ARMC8: variants seen among roughly 807,000 people sequenced by gnomAD.
The protein encoded by ARMC8 is armadillo repeat-containing protein 8.
ARMC8 carries 20 observed loss-of-function variants against 99.3 expected under a neutral mutation model. The observed-to-expected ratio is 0.20, with a 90% confidence interval of 0.14 to 0.29. ARMC8 has a LOEUF of 0.29. ARMC8 is among the 10% of genes least tolerant of loss of function. The pLI is 1.00. For missense variants in ARMC8, 569 were observed against 809.5 expected, an observed-to-expected ratio of 0.70 and a Z score of 3.60; for synonymous variants, 263 against 278.3, an observed-to-expected ratio of 0.95 and a Z score of 0.55.
chr3:138,294,655 T>C (rs1475472164), intron 21 of ARMC8, among the ~76,000 whole-genome samples: 1 of 152,174 alleles, frequency 6.6e-6, no homozygotes, highest in Non-Finnish European at 1.5e-5. Context: ...TTTGATCAGC[T>C]ATTGTACCTG....
At chr3:138,267,599 C>T (rs2048389747) in intron 15 of ARMC8, among the ~76,000 whole-genome samples, 1 of 152,010 alleles carries the variant, frequency 6.6e-6, no homozygotes, top group Admixed American at 6.6e-5. Context: ...TTTTGTAAAC[C>T]AGGATTATAA....
intron 2 of ARMC8, among the ~76,000 whole-genome samples, chr3:138,220,747 TGGCGC>T (rs2045350299): frequency 6.6e-6 from 1 of 151,070 alleles, no homozygotes. Flanking sequence ...TGGGGTGCAG[TGGCGC>T]GATCTCTGCT....
Position 138,267,191 on chromosome 3 carries a change from G to C in ARMC8, c.1336G>C (p.Ala446Pro). ...QNAPDEILVV[A>P]SSMLCNLLLE... ...TGCACCAGATGAAATCCTAGTGGTA[G>C]CATCTTCCATGCTGTGTAATCTTCT... Residue 446 changes from alanine (A) to proline (P), a missense_variant, in exon 15 of 22, where the codon GCA becomes CCA. Ala to Pro is a conservative substitution (Grantham distance 27). This residue lies in a region of ARMC8 where 227 missense variants were observed against 417.9 expected (regional missense o/e 0.54). Coordinates refer to ENST00000469044, the MANE Select transcript of ARMC8 (RefSeq NM_001363941.2). 6.3e-7 allele frequency: 1 copy of C among 1,581,354 alleles called. No individual in the cohort carries two copies. The highest frequency in any genetic ancestry group is 8.6e-7 in the Non-Finnish European group (1 of 1,162,492).
At chr3:138,293,357 T>G (rs1426841600) in intron 21 of ARMC8, among the ~76,000 whole-genome samples, 1 of 151,952 alleles carries the variant, frequency 6.6e-6, no homozygotes, top group Non-Finnish European at 1.5e-5. Flanking sequence ...CTGGCCAACA[T>G]AGTGAAACCC....
intron 12 of ARMC8, among the ~76,000 whole-genome samples, chr3:138,260,757 GA>G (rs2047671859): frequency 6.6e-6 from 1 of 152,164 alleles, no homozygotes; most frequent in African/African-American, 2.4e-5. Context: ...ACCTTATCTA[GA>G]AACCTCTTTC....
chr3:138,251,029 T>TG (rs1242891769), intron 12 of ARMC8, among the ~76,000 whole-genome samples: 3 of 151,988 alleles, frequency 2.0e-5, no homozygotes, highest in Non-Finnish European at 4.4e-5. Flanking sequence ...CATGCACCTG[T>TG]GGTCCCAGCT....
At chr3:138,273,581 G>A (rs1045065804) in intron 17 of ARMC8, among the ~76,000 whole-genome samples, 3 of 152,086 alleles carry the variant, frequency 2.0e-5, no homozygotes, top group Non-Finnish European at 4.4e-5. Flanking sequence ...CAGTGGATAC[G>A]TGTCAGAGTA....
chr3:138,232,758 G>T (rs2046121678), intron 6 of ARMC8, among the ~76,000 whole-genome samples: 1 of 152,182 alleles, frequency 6.6e-6, no homozygotes, highest in African/African-American at 2.4e-5. Flanking sequence ...AATGGGGGAA[G>T]AATATATTTA....
chr3:138,187,567 T>C lies in ARMC8; in HGVS notation c.13T>C (p.Leu5=). ...GGGAAGGCTCAAGATGGCGTGCTTG[T>C]TGGAGACCCCAATCCGCATGAGCGT... MACL[L]ETPIRMSVLS... The change falls in exon 1 of 22, where the codon TTG becomes CTG. Residue 5 remains leucine, a synonymous_variant. Coordinates refer to ENST00000469044, the MANE Select transcript of ARMC8 (RefSeq NM_001363941.2). 1.3e-6 allele frequency: 2 copies of C among 1,535,850 alleles called. No homozygotes were observed. Among genetic ancestry groups the C allele is most frequent in the Non-Finnish European group, 1.7e-6 (2 of 1,146,718 alleles).
At chr3:138,210,937 C>T (rs540615505) in intron 2 of ARMC8, among the ~76,000 whole-genome samples, 5 of 151,938 alleles carry the variant, frequency 3.3e-5, no homozygotes, top group East Asian at 1.9e-4. Context: ...TAGGATCCAC[C>T]GAGATACTTG....
At chr3:138,218,370 T>C (rs1222340782) in intron 2 of ARMC8, among the ~76,000 whole-genome samples, 1 of 152,178 alleles carries the variant, frequency 6.6e-6, no homozygotes, top group Non-Finnish European at 1.5e-5. Context: ...TCCATCTCCC[T>C]TTAGTTTGTC....
At chr3:138,252,741 A>ACC (rs1281952773) in intron 12 of ARMC8, among the ~76,000 whole-genome samples, 5 of 2,590 alleles carry the variant, frequency 1.9e-3, no homozygotes, top group Admixed American at 8.8e-3. Context: ...GGCGTGAGCC[A>ACC]CCCCGCCCCC....
chr3:138,204,081 T>C (rs1211443098), intron 1 of ARMC8, among the ~76,000 whole-genome samples: 2 of 152,200 alleles, frequency 1.3e-5, no homozygotes, highest in Non-Finnish European at 2.9e-5. Flanking sequence ...ATAGAAGTAA[T>C]CTGAAGAGAA....
In ARMC8 at chr3:138,188,403, T is replaced by G. The variant is rs919927380; in HGVS notation, c.45+804T>G. Reference sequence around the variant, plus strand: ...GTTTTTTTTTTTTTTAAAAAAAGTTTTTTTAAAGAAAAAGACGACTTTCAC... The same window carrying G: ...GTTTTTTTTTTTTTTAAAAAAAGTTGTTTTAAAGAAAAAGACGACTTTCAC... On this transcript the variant is annotated intron_variant, in intron 1 of 21. Coordinates refer to ENST00000469044, the MANE Select transcript of ARMC8 (RefSeq NM_001363941.2). The G allele has an allele frequency of 6.0e-6, 9 of 1,512,266 alleles. No homozygotes were observed. In the African/African-American group the frequency reaches 8.4e-5, roughly 14 times the overall value. The allele number at this position is 1,512,266 out of a possible 1,614,324, so 93.7% of individuals were successfully genotyped here. A position where few individuals can be genotyped will look rare whatever the true frequency, so the allele number is the denominator to read the frequency against.
At chr3:138,230,254 G>A (rs748932676) in intron 6 of ARMC8, among the ~76,000 whole-genome samples, 1 of 152,176 alleles carries the variant, frequency 6.6e-6, no homozygotes, top group Non-Finnish European at 1.5e-5. Context: ...TGCTTAAAAT[G>A]AGCTGAATCC....
intron 12 of ARMC8, chr3:138,246,632 G>C (rs2046892592): frequency 9.1e-6 from 9 of 985,500 alleles, no homozygotes; most frequent in Non-Finnish European, 1.1e-5. Flanking sequence ...TGGACTGAAA[G>C]GTAGATAGAC....
intron 1 of ARMC8, among the ~76,000 whole-genome samples, chr3:138,190,498 A>G (rs567536792): frequency 7.9e-5 from 12 of 152,090 alleles, no homozygotes; most frequent in Admixed American, 2.0e-4. Flanking sequence ...CATGTTGGCC[A>G]GGCTGGTCTC....
In ARMC8 at chr3:138,273,032, G is replaced by C. The variant is rs1466958985; in HGVS notation, c.1545G>C (p.Gln515His). Reference sequence around the variant, plus strand: ...TTTTACGAAGCTTGAGTACTGAACAGCTATTCCGGTTATTATCAGATTCAG... The same window carrying C: ...TTTTACGAAGCTTGAGTACTGAACACCTATTCCGGTTATTATCAGATTCAG... The part of the protein sequence containing the change: ...ADILRSLSTE[Q>H]LFRLLSDSDL... The change falls in exon 17 of 22, where the codon CAG becomes CAC. Residue 515 changes from glutamine (Q) to histidine (H), a missense_variant. Physicochemically the swap from Gln to His is conservative, Grantham distance 24 (BLOSUM62 0). Transcript: ENST00000469044. 1 of 1,613,144 alleles carries C rather than the reference G, an allele frequency of 6.2e-7. No homozygotes were observed. Among genetic ancestry groups the C allele is most frequent in the Admixed American group, 1.7e-5 (1 of 59,934 alleles).
intron 9 of ARMC8, chr3:138,239,157 T>C (rs1244018802): frequency 4.2e-6 from 1 of 239,424 alleles, no homozygotes; most frequent in Non-Finnish European, 8.1e-6. Flanking sequence ...GTATAAAGAA[T>C]ACAACATGTG....
Sources: gnomAD v4.1 joint callset for allele counts (sites outside exome capture counted in the v4.1 genomes callset) on GRCh38, gnomAD v4.1.1 for gene constraint, gnomAD v4.1.1 regional missense constraint, MANE v1.5 for transcripts, NCBI Gene and HGNC (gene_info 2026-07-23, HGNC 2026-07-21) for gene names.